Variants in TENM3 observed in about 807,000 individuals in gnomAD.
TENM3 encodes teneurin transmembrane protein 3, also known as teneurin-3.
A neutral mutation model predicts 255.1 loss-of-function variants in TENM3; 63 were observed. That is an observed-to-expected ratio of 0.25 (90% CI 0.20 to 0.30). TENM3 has a LOEUF of 0.30. Among genes scored for constraint, TENM3 ranks in the 10% least tolerant of loss-of-function variants. The pLI is 1.00. For missense variants in TENM3, 2,929 were observed against 3,461.1 expected, an observed-to-expected ratio of 0.85 and a Z score of 3.86; for synonymous variants, 1,306 against 1,322.3, an observed-to-expected ratio of 0.99 and a Z score of 0.27.
chr4:182,281,399 C>T (rs1760376082), intron 1 of TENM3, among the ~76,000 whole-genome samples: 1 of 152,038 alleles, frequency 6.6e-6, no homozygotes, highest in Admixed American at 6.6e-5. Flanking sequence ...ATTATAAACC[C>T]TCTCACTATT....
the TENM3 span, among the ~76,000 whole-genome samples, chr4:181,831,491 C>G: frequency 1.4e-5 from 1 of 73,898 alleles, no homozygotes; most frequent in Non-Finnish European, 2.5e-5. Context: ...TTAACATTGC[C>G]TATGTGCCAA....
intron 24 of TENM3, among the ~76,000 whole-genome samples, chr4:182,781,581 G>C (rs1400873979): frequency 6.6e-6 from 1 of 151,982 alleles, no homozygotes; most frequent in Non-Finnish European, 1.5e-5. Flanking sequence ...AATGAGTTAG[G>C]GAGGATTCCC....
the TENM3 span, among the ~76,000 whole-genome samples, chr4:181,652,495 G>C: frequency 6.6e-6 from 1 of 152,134 alleles, no homozygotes; most frequent in African/African-American, 2.4e-5. Flanking sequence ...TCTTACATTT[G>C]TATTCTCATT....
chr4:182,680,444 G>A (rs1318155161), intron 9 of TENM3, 95 bp downstream of exon 9: 5 of 1,413,844 alleles, frequency 3.5e-6, no homozygotes, highest in Non-Finnish European at 5.0e-6. Context: ...GAAAGGGGGG[G>A]GGAGACTGGC....
chr4:181,667,648 A>G, the TENM3 span, among the ~76,000 whole-genome samples: 1 of 152,288 alleles, frequency 6.6e-6, no homozygotes, highest in African/African-American at 2.4e-5. Context: ...GGCATGATGC[A>G]GCAAGAAGGC....
intron 3 of TENM3, among the ~76,000 whole-genome samples, chr4:182,356,053 T>G (rs927568281): frequency 6.6e-6 from 1 of 151,922 alleles, no homozygotes; most frequent in Non-Finnish European, 1.5e-5. Flanking sequence ...GGAGTGAAGC[T>G]AGAATCCTAA....
intron 3 of TENM3, among the ~76,000 whole-genome samples, chr4:182,366,430 A>G (rs1766434992): frequency 6.6e-6 from 1 of 151,966 alleles, no homozygotes; most frequent in South Asian, 2.1e-4. Flanking sequence ...ACTATATATT[A>G]TATAGATTAC....
chr4:181,962,921 T>C, the TENM3 span, among the ~76,000 whole-genome samples: 1 of 152,200 alleles, frequency 6.6e-6, no homozygotes, highest in African/African-American at 2.4e-5. Flanking sequence ...TATTGAGTGA[T>C]TAGTGAGTGG....
chr4:181,578,377 C>T, the TENM3 span, among the ~76,000 whole-genome samples: 1 of 152,152 alleles, frequency 6.6e-6, no homozygotes, highest in Non-Finnish European at 1.5e-5. Context: ...AGAAGAGTCT[C>T]TAGGCTTAAC....
chr4:182,201,193 A>C (rs1342404188), intron 1 of TENM3, among the ~76,000 whole-genome samples: 1 of 152,160 alleles, frequency 6.6e-6, no homozygotes, highest in African/African-American at 2.4e-5. Context: ...CGTTAGAAAA[A>C]GTCAATCACA....
intron 6 of TENM3, among the ~76,000 whole-genome samples, chr4:182,656,951 T>C (rs1417117212): frequency 1.3e-5 from 2 of 152,150 alleles, no homozygotes; most frequent in African/African-American, 2.4e-5. Flanking sequence ...ATCAGAAGCG[T>C]AGGGTCTTAG....
At chr4:181,453,965 CTG>C in the TENM3 span, among the ~76,000 whole-genome samples, 1 of 152,090 alleles carries the variant, frequency 6.6e-6, no homozygotes, top group Non-Finnish European at 1.5e-5. Flanking sequence ...TTCATTAACA[CTG>C]TACAGCTTTT....
chr4:182,228,645 C>T (rs1472390404), intron 1 of TENM3, among the ~76,000 whole-genome samples: 1 of 151,832 alleles, frequency 6.6e-6, no homozygotes, highest in Non-Finnish European at 1.5e-5. Flanking sequence ...CTCTTCATTT[C>T]GTGACAACAT....
At chr4:182,027,918 G>T in the TENM3 span, among the ~76,000 whole-genome samples, 5 of 151,964 alleles carry the variant, frequency 3.3e-5, no homozygotes, top group Non-Finnish European at 7.4e-5. Context: ...ATATTGGCCT[G>T]TAGTTGGGTT....
At chr4:181,783,385 C>G in the TENM3 span, among the ~76,000 whole-genome samples, 2 of 152,050 alleles carry the variant, frequency 1.3e-5, no homozygotes, top group African/African-American at 2.4e-5. Context: ...TTGTTTTCTT[C>G]TGTACTCTGC....
chr4:182,309,334 C>A (rs1580110606), intron 1 of TENM3, among the ~76,000 whole-genome samples: 2 of 152,282 alleles, frequency 1.3e-5, no homozygotes, highest in Middle Eastern at 3.4e-3. Context: ...GTCTGGTGGG[C>A]AGTAGACAGT....
At chr4:182,696,922 T>C (rs184087319) in intron 12 of TENM3, among the ~76,000 whole-genome samples, 1 of 152,118 alleles carries the variant, frequency 6.6e-6, no homozygotes, top group African/African-American at 2.4e-5. Context: ...TCCCCCTGGT[T>C]CCAGCTCTGT....
chr4:181,748,832 G>T, the TENM3 span, among the ~76,000 whole-genome samples: 1 of 152,032 alleles, frequency 6.6e-6, no homozygotes, highest in Non-Finnish European at 1.5e-5. Context: ...ACAGGAGGCC[G>T]AGGGCCAGGT....
At chr4:182,033,846 T>G in the TENM3 span, among the ~76,000 whole-genome samples, 1 of 152,234 alleles carries the variant, frequency 6.6e-6, no homozygotes, top group African/African-American at 2.4e-5. Flanking sequence ...TGCCAAAGAC[T>G]AGGATTGCAG....
Sources: gnomAD v4.1 joint callset for allele counts (sites outside exome capture counted in the v4.1 genomes callset) on GRCh38, gnomAD v4.1.1 for gene constraint, MANE v1.5 for transcripts, NCBI Gene and HGNC (gene_info 2026-07-23, HGNC 2026-07-21) for gene names.